Variants in BEND5 observed in about 807,000 individuals in gnomAD.
BEND5 encodes the protein BEN domain containing 5.
In BEND5, 22 loss-of-function variants were observed where a neutral mutation model predicts 43.9. That is an observed-to-expected ratio of 0.50 (90% CI 0.36 to 0.72). BEND5 has a LOEUF of 0.72. Among genes scored for constraint, BEND5 ranks in the 30% least tolerant of loss-of-function variants. BEND5 has a pLI of 0.00. For synonymous variants in BEND5, 228 were observed against 225.9 expected, an observed-to-expected ratio of 1.01 and a Z score of -0.08; for missense variants, 428 against 550.6, an observed-to-expected ratio of 0.78 and a Z score of 2.23.
intron 4 of BEND5, among the ~76,000 whole-genome samples, chr1:48,737,200 C>T (rs1440970655): frequency 6.6e-6 from 1 of 152,150 alleles, no homozygotes; most frequent in East Asian, 1.9e-4. Flanking sequence ...AAGAGAATCG[C>T]TTGAACCTGG....
rs1046549858 is a variant in BEND5 at position 48,736,184 on chromosome 1, C to T, written c.1108+55G>A. ...TGAATTGAATTGTGCCTAACACATT[C>T]TTGACAGAGTAAAAGACAGAATCCC... On this transcript the variant is annotated intron_variant, in intron 5 of 5. Transcript: ENST00000371833. This position sits in a 1 kb window ranked among gnomAD's most constrained non-coding sequence, Gnocchi z 4.0. 6.4e-7 allele frequency: 1 copy of T among 1,550,544 alleles called. No individual in the cohort carries two copies. Among genetic ancestry groups the T allele is most frequent in the African/African-American group, 1.4e-5 (1 of 73,372 alleles).
At chr1:48,743,375 C>G (rs934297192) in intron 3 of BEND5, among the ~76,000 whole-genome samples, 2 of 152,148 alleles carry the variant, frequency 1.3e-5, no homozygotes, top group Non-Finnish European at 2.9e-5. Flanking sequence ...GCAGTTTAAA[C>G]AGCAAAAAGG....
rs1471675886 is a variant in BEND5 at position 48,759,012 on chromosome 1, C to T, written c.633G>A (p.Leu211=). 3.1e-6 allele frequency: 5 copies of T among 1,613,998 alleles called. No individual in the cohort carries two copies. In the East Asian group the frequency reaches 1.1e-4, roughly 36 times the overall value. The change falls in exon 3 of 6, where the codon CTG becomes CTA. Residue 211 remains leucine (L), a synonymous_variant. Coordinates refer to ENST00000371833, the MANE Select transcript of BEND5 (RefSeq NM_024603.4). ...QQELERTRRQ[L]VQQAKKLKEY... The stretch of plus-strand genomic sequence containing the variant: ...CCTTGAGCTTCTTGGCCTGTTGTAC[C>T]AGCTGCCTCCGAGTCCGCTCCAGCT...
chr1:48,773,244 C>T (rs755167220), intron 1 of BEND5, among the ~76,000 whole-genome samples: 1 of 151,766 alleles, frequency 6.6e-6, no homozygotes, highest in Non-Finnish European at 1.5e-5. Context: ...CCAGTTTGAG[C>T]CTCCTAAAAA....
chr1:48,737,882 G>A (rs1005965078), intron 4 of BEND5, among the ~76,000 whole-genome samples: 1 of 152,064 alleles, frequency 6.6e-6, no homozygotes, highest in Non-Finnish European at 1.5e-5. Context: ...GACAGAGGGC[G>A]GCAGCTGCTA....
chr1:48,768,540 C>T (rs1280226010), intron 1 of BEND5, among the ~76,000 whole-genome samples: 1 of 152,114 alleles, frequency 6.6e-6, no homozygotes, highest in Non-Finnish European at 1.5e-5. Flanking sequence ...TTAGAAAAAA[C>T]AAGCAGGTGA....
intron 4 of BEND5, among the ~76,000 whole-genome samples, chr1:48,741,325 C>T (rs920739858): frequency 3.9e-5 from 6 of 152,308 alleles, no homozygotes; most frequent in Middle Eastern, 3.4e-3. Flanking sequence ...ACAAGGATGC[C>T]GAGACCCAGA....
At chr1:48,734,032 G>A (rs1055272771) in intron 5 of BEND5, among the ~76,000 whole-genome samples, 1 of 152,192 alleles carries the variant, frequency 6.6e-6, no homozygotes, top group African/African-American at 2.4e-5. Context: ...AGAATTAGAG[G>A]TCGGTCACCT....
At chr1:48,744,511 T>A (rs914815851) in intron 3 of BEND5, among the ~76,000 whole-genome samples, 2 of 152,016 alleles carry the variant, frequency 1.3e-5, no homozygotes, top group African/African-American at 2.4e-5. Flanking sequence ...AGAAAAAAAA[T>A]AATAGGCTGA....
At chr1:48,730,780 A>C (rs1647994203) in intron 5 of BEND5, among the ~76,000 whole-genome samples, 1 of 152,222 alleles carries the variant, frequency 6.6e-6, no homozygotes, top group Non-Finnish European at 1.5e-5. Context: ...TTAATTAACA[A>C]GGTTTATAAC....
At chr1:48,730,729 G>A (rs990088006) in intron 5 of BEND5, among the ~76,000 whole-genome samples, 2 of 152,142 alleles carry the variant, frequency 1.3e-5, no homozygotes, top group Non-Finnish European at 2.9e-5. Flanking sequence ...TGCAGTTGCC[G>A]GGAATGTCTC....
Position 48,727,840 on chromosome 1 carries a change from C to T in BEND5, c.*46G>A, listed in dbSNP as rs1158561990. Reference sequence around the variant, plus strand: ...GGACGGCACCATCGCTCGCAAATCACATGCCACACAAGGAAAACACGAAAG... The same window carrying T: ...GGACGGCACCATCGCTCGCAAATCATATGCCACACAAGGAAAACACGAAAG... On this transcript the variant is annotated 3_prime_UTR_variant, in exon 6 of 6. Transcript: ENST00000371833. 4 of 1,549,726 alleles carry T rather than the reference C, an allele frequency of 2.6e-6. No homozygotes were observed. Among genetic ancestry groups the T allele is most frequent in the South Asian group, 2.4e-5 (2 of 84,312 alleles).
intron 3 of BEND5, among the ~76,000 whole-genome samples, chr1:48,748,838 A>G (rs527881363): frequency 1.3e-5 from 2 of 152,182 alleles, no homozygotes; most frequent in African/African-American, 4.8e-5. Flanking sequence ...GGGGTTCTTC[A>G]GGTCCTCTCT....
intron 3 of BEND5, among the ~76,000 whole-genome samples, chr1:48,745,473 C>T (rs1391602314): frequency 6.6e-6 from 1 of 152,124 alleles, no homozygotes; most frequent in Admixed American, 6.5e-5. Context: ...AAAGAGTCAC[C>T]TCTCTGGCTC....
intron 1 of BEND5, among the ~76,000 whole-genome samples, chr1:48,765,264 T>C (rs1019927734): frequency 6.6e-6 from 1 of 152,168 alleles, no homozygotes; most frequent in African/African-American, 2.4e-5. Flanking sequence ...CAAACAAAAA[T>C]GTTTAATTAA....
At position 48,736,158 on chromosome 1, in the gene BEND5, T is replaced by C. The variant is rs1410972458; in HGVS notation, c.1108+81A>G. On this transcript the variant is annotated intron_variant, in intron 5 of 5. Coordinates refer to ENST00000371833, the MANE Select transcript of BEND5 (RefSeq NM_024603.4). The surrounding 1 kb of genome is among the most constrained non-coding windows in gnomAD (Gnocchi z 4.0). ...CATGCAGAAGCTTCATAAGTAATCG[T>C]TGAATTGAATTGTGCCTAACACATT... is the stretch of plus-strand genomic sequence containing the variant. 8 of 1,468,388 alleles carry C rather than the reference T, an allele frequency of 5.4e-6. No homozygotes were observed. The highest frequency in any genetic ancestry group is 4.2e-5 in the African/African-American group (3 of 71,280). 91.0% of individuals were successfully genotyped at this position (1,468,388 alleles called of 1,614,324 possible). A position where few individuals can be genotyped will look rare whatever the true frequency, so the allele number is the denominator to read the frequency against.
chr1:48,740,084 T>G (rs1444966735), intron 4 of BEND5, among the ~76,000 whole-genome samples: 1 of 152,240 alleles, frequency 6.6e-6, no homozygotes, highest in Non-Finnish European at 1.5e-5. Context: ...GTTTTTCACT[T>G]CTGATGAGCT....
At chr1:48,758,393 C>G (rs12125554) in intron 3 of BEND5, among the ~76,000 whole-genome samples, 2 of 152,132 alleles carry the variant, frequency 1.3e-5, no homozygotes, top group African/African-American at 4.8e-5. Context: ...ACTGCCCAAC[C>G]TTCAAAGCTC....
At chr1:48,769,526 AACACACACACACACAC>A (rs558937968) in intron 1 of BEND5, among the ~76,000 whole-genome samples, 123 of 130,314 alleles carry the variant, frequency 9.4e-4, no homozygotes, top group African/African-American at 2.5e-3. Flanking sequence ...GAGGATTTAA[AACACACACACACACAC>A]ACACACACAC....
Sources: allele counts gnomAD v4.1 joint callset (sites outside exome capture counted in the v4.1 genomes callset), GRCh38; gene constraint gnomAD v4.1.1; non-coding constraint Gnocchi (gnomAD v3.1); transcripts MANE v1.5; gene names NCBI Gene and HGNC (gene_info 2026-07-23, HGNC 2026-07-21).